Variants in CENPW observed in about 807,000 individuals in gnomAD.
CENPW encodes the protein centromere protein W, also known as cancer-up-regulated gene 2 protein.
In CENPW, 3 loss-of-function variants were observed where a neutral mutation model predicts 11.1. The observed-to-expected ratio is 0.27, with a 90% confidence interval of 0.12 to 0.70. The LOEUF is 0.70. Ranked by LOEUF, CENPW falls within the 30% of genes least tolerant of loss-of-function variation. The pLI is 0.77. For synonymous variants in CENPW, 38 were observed against 42.0 expected (o/e 0.91, Z 0.37); for missense variants, 100 against 105.6 (o/e 0.95, Z 0.23).
the CENPW span, among the ~76,000 whole-genome samples, chr6:126,480,353 A>G: frequency 6.6e-6 from 1 of 152,038 alleles, no homozygotes; most frequent in Non-Finnish European, 1.5e-5. Context: ...GACAGAGAAT[A>G]AGGAAAGTTT....
chr6:126,413,564 G>A, the CENPW span, among the ~76,000 whole-genome samples: 1 of 151,944 alleles, frequency 6.6e-6, no homozygotes, highest in South Asian at 2.1e-4. Context: ...CACTAGACTG[G>A]CTTTACAAGA....
the CENPW span, among the ~76,000 whole-genome samples, chr6:126,377,233 TAAATA>T: frequency 6.6e-6 from 1 of 152,128 alleles, no homozygotes; most frequent in African/African-American, 2.4e-5. Flanking sequence ...CCTCACAATT[TAAATA>T]AAAGGATGTA....
the CENPW span, among the ~76,000 whole-genome samples, chr6:126,428,280 C>T: frequency 6.6e-6 from 1 of 152,066 alleles, no homozygotes; most frequent in Non-Finnish European, 1.5e-5. Flanking sequence ...TTCTTAAATG[C>T]TGATAAAAAT....
At chr6:126,381,093 A>G in the CENPW span, among the ~76,000 whole-genome samples, 5 of 152,194 alleles carry the variant, frequency 3.3e-5, no homozygotes, top group Non-Finnish European at 7.3e-5. Flanking sequence ...GCCTGTCTTC[A>G]GCAAGAATCC....
the CENPW span, among the ~76,000 whole-genome samples, chr6:126,354,610 A>C: frequency 6.6e-6 from 1 of 152,114 alleles, no homozygotes. Context: ...TCTCCATAAA[A>C]GCTCTACTAT....
At chr6:126,388,414 T>C in the CENPW span, among the ~76,000 whole-genome samples, 1 of 151,968 alleles carries the variant, frequency 6.6e-6, no homozygotes, top group Admixed American at 6.6e-5. Flanking sequence ...TTTACTGAAC[T>C]GATGGTCTCT....
chr6:126,373,386 G>T, the CENPW span, among the ~76,000 whole-genome samples: 2 of 152,306 alleles, frequency 1.3e-5, no homozygotes, highest in Non-Finnish European at 2.9e-5. Flanking sequence ...AGTTTGCTAA[G>T]ATGTTAAGCC....
chr6:126,435,188 A>G, the CENPW span, among the ~76,000 whole-genome samples: 1 of 151,926 alleles, frequency 6.6e-6, no homozygotes, highest in African/African-American at 2.4e-5. Flanking sequence ...ATTTAATGGT[A>G]TGTTGTAATA....
At chr6:126,453,628 C>T in the CENPW span, among the ~76,000 whole-genome samples, 5 of 151,086 alleles carry the variant, frequency 3.3e-5, no homozygotes, top group African/African-American at 1.2e-4. Context: ...ACCAGTGACA[C>T]TATAAAGCAA....
the CENPW span, among the ~76,000 whole-genome samples, chr6:126,463,257 T>C: frequency 6.6e-6 from 1 of 152,014 alleles, no homozygotes; most frequent in Non-Finnish European, 1.5e-5. Flanking sequence ...CCCTAGGATA[T>C]ACCTAGAGGC....
chr6:126,359,017 TTAGA>T, the CENPW span, among the ~76,000 whole-genome samples: 4 of 151,902 alleles, frequency 2.6e-5, no homozygotes, highest in Non-Finnish European at 5.9e-5. Flanking sequence ...AGGTGCAAAG[TTAGA>T]TAGTTAATCT....
chr6:126,395,960 C>A, the CENPW span, among the ~76,000 whole-genome samples: 1 of 152,276 alleles, frequency 6.6e-6, no homozygotes, highest in Middle Eastern at 3.4e-3. Context: ...TGGCCACCAC[C>A]ACTGGGACTG....
the CENPW span, among the ~76,000 whole-genome samples, chr6:126,432,073 A>C: frequency 4.9e-3 from 732 of 150,902 alleles, 4 homozygotes; most frequent in African/African-American, 0.017. Context: ...TCACAAAAAA[A>C]AAAAAAAAAA....
the CENPW span, among the ~76,000 whole-genome samples, chr6:126,420,539 G>A: frequency 6.6e-6 from 1 of 152,142 alleles, no homozygotes; most frequent in Admixed American, 6.6e-5. Flanking sequence ...CAAAGAAATG[G>A]CATGGCTCCC....
At chr6:126,451,226 C>T in the CENPW span, among the ~76,000 whole-genome samples, 75 of 151,060 alleles carry the variant, frequency 5.0e-4, no homozygotes, top group African/African-American at 1.7e-3. Context: ...GCACACCCTA[C>T]CTGTCTCTCC....
At chr6:126,417,023 A>G in the CENPW span, among the ~76,000 whole-genome samples, 2 of 152,322 alleles carry the variant, frequency 1.3e-5, no homozygotes, top group South Asian at 2.1e-4. Context: ...ACTCAATGCT[A>G]GCCCATGAAA....
intron 1 of CENPW, among the ~76,000 whole-genome samples, chr6:126,342,703 A>G (rs945206711): frequency 2.3e-4 from 35 of 151,832 alleles, no homozygotes; most frequent in African/African-American, 7.3e-4. Flanking sequence ...TCCATCATCT[A>G]TTGTCACACA....
chr6:126,401,100 A>G, the CENPW span, among the ~76,000 whole-genome samples: 6 of 152,050 alleles, frequency 3.9e-5, no homozygotes, highest in African/African-American at 1.4e-4. Context: ...TTGTCCCCCA[A>G]TTTTTGTCTG....
chr6:126,406,762 T>G, the CENPW span, among the ~76,000 whole-genome samples: 74,959 of 151,232 alleles, frequency 0.5, 19,619 homozygotes, highest in East Asian at 0.97. Flanking sequence ...TGAGGCAGGA[T>G]AATTGCTTGA....
Sources: gnomAD v4.1 joint callset for allele counts (sites outside exome capture counted in the v4.1 genomes callset) on GRCh38, gnomAD v4.1.1 for gene constraint, MANE v1.5 for transcripts, NCBI Gene and HGNC (gene_info 2026-07-23, HGNC 2026-07-21) for gene names.